BAZ1A: variants seen among roughly 807,000 people sequenced by gnomAD.
BAZ1A encodes bromodomain adjacent to zinc finger domain protein 1A.
In BAZ1A, 50 loss-of-function variants were observed where a neutral mutation model predicts 185.2. The observed-to-expected ratio is 0.27, with a 90% CI of 0.22 to 0.34. The LOEUF is 0.34. Ranked by LOEUF, BAZ1A falls within the 10% of genes least tolerant of loss-of-function variation. BAZ1A has a pLI of 1.00. For missense variants in BAZ1A, 1,356 were observed against 1,839.9 expected, an observed-to-expected ratio of 0.74 and a Z score of 4.81; for synonymous variants, 571 against 615.6, an observed-to-expected ratio of 0.93 and a Z score of 1.07.
At position 34,801,493 on chromosome 14, in the gene BAZ1A, G is replaced by T. The variant is rs368606102; in HGVS notation, c.862-300C>A. ...GTATTTTTAGTAGATACAGGGTTTT[G>T]CCATGTTGGCCAGGCTGGTCTTGAA... On this transcript the variant is annotated intron_variant, in intron 7 of 26. Coordinates refer to ENST00000360310, the MANE Select transcript of BAZ1A (RefSeq NM_013448.3). Among the ~76,000 whole-genome samples the T allele has an allele frequency of 7.8e-4, 118 of 152,102 alleles. 1 individual carries two copies. The East Asian group carries it at 0.021, about 27-fold the overall frequency.
chr14:34,799,266 A>G (rs944781042), intron 9 of BAZ1A, among the ~76,000 whole-genome samples: 27 of 151,222 alleles, frequency 1.8e-4, no homozygotes, highest in Non-Finnish European at 2.7e-4. Context: ...GATAGCATTA[A>G]GAGAAATACC....
intron 2 of BAZ1A, among the ~76,000 whole-genome samples, chr14:34,873,868 A>G (rs2138853205): frequency 6.6e-6 from 1 of 152,180 alleles, no homozygotes; most frequent in East Asian, 1.9e-4. Flanking sequence ...CCGCGGACGG[A>G]GGCTCTCGCG....
chr14:34,865,115 G>C (rs1342403722), intron 2 of BAZ1A, among the ~76,000 whole-genome samples: 1 of 152,028 alleles, frequency 6.6e-6, no homozygotes, highest in African/African-American at 2.4e-5. Flanking sequence ...CACTGTGGTA[G>C]CATGAGCCTG....
At chr14:34,816,080 CTTTTTTTTTTTT>C (rs35830800) in intron 4 of BAZ1A, among the ~76,000 whole-genome samples, 5 of 79,426 alleles carry the variant, frequency 6.3e-5, no homozygotes, top group African/African-American at 1.1e-4. Flanking sequence ...TATTCCAGAC[CTTTTTTTTTTTT>C]TTTTTTTTTT....
Position 34,794,776 on chromosome 14 carries a change from C to T in BAZ1A, c.1336G>A (p.Asp446Asn). The T allele has an allele frequency of 6.2e-7, 1 of 1,614,080 alleles. No individual in the cohort carries two copies. The highest frequency in any genetic ancestry group is 8.5e-7 in the Non-Finnish European group (1 of 1,179,996). Residue 446 changes from aspartate to asparagine, a missense_variant, in exon 11 of 27, where the codon GAT (aspartate) becomes AAT (asparagine). This residue lies in a region of BAZ1A where 184 missense variants were observed against 355.1 expected (regional missense o/e 0.52). Coordinates refer to ENST00000360310, the MANE Select transcript of BAZ1A (RefSeq NM_013448.3). ...AGGGTTACTCCATCAGGAAACTCAT[C>T]TTGAAGATCAAAAAGTTCCCCAAAT... ...NAFGELFDLQDEFPDGVTLEV... is the reference protein window; with the variant it reads ...NAFGELFDLQNEFPDGVTLEV...
At chr14:34,850,470 G>A (rs1199829871) in intron 3 of BAZ1A, among the ~76,000 whole-genome samples, 1 of 152,292 alleles carries the variant, frequency 6.6e-6, no homozygotes, top group East Asian at 1.9e-4. Context: ...ATAGGACTTA[G>A]GTCAATAGGC....
At chr14:34,854,241 A>AC (rs1258701234) in intron 3 of BAZ1A, among the ~76,000 whole-genome samples, 1 of 152,046 alleles carries the variant, frequency 6.6e-6, no homozygotes, top group Non-Finnish European at 1.5e-5. Context: ...AGCCTGGCCA[A>AC]CATGGCAACT....
At chr14:34,866,568 T>A (rs1039554984) in intron 2 of BAZ1A, among the ~76,000 whole-genome samples, 1 of 151,152 alleles carries the variant, frequency 6.6e-6, no homozygotes, top group African/African-American at 2.4e-5. Flanking sequence ...CTCAAACCAG[T>A]ACATAGTTAG....
chr14:34,784,292 C>T (rs1233474515), intron 14 of BAZ1A, among the ~76,000 whole-genome samples: 2 of 134,226 alleles, frequency 1.5e-5, no homozygotes, highest in Admixed American at 8.5e-5. Flanking sequence ...TGCTTGAACC[C>T]GGGAGGCGGA....
chr14:34,779,533 G>A (rs1178385320), intron 17 of BAZ1A, among the ~76,000 whole-genome samples: 1 of 151,714 alleles, frequency 6.6e-6, no homozygotes, highest in African/African-American at 2.4e-5. Context: ...TATCTACTTA[G>A]AGTAACCATT....
In BAZ1A at chr14:34,789,205, C is replaced by T. The variant is rs186148748; in HGVS notation, c.1511-2984G>A. 1.0e-3 allele frequency among the ~76,000 whole-genome samples: 156 copies of T among 152,192 alleles called. 1 individual carries two copies. Among genetic ancestry groups the T allele is most frequent in the African/African-American group, 3.3e-3 (139 of 41,534 alleles). ...CCAAAATTAACAACAGTCCTAGATACAAAGTTGTAAAAGGTGTTGGCTCTC... is the reference window on the plus strand; with the variant it reads ...CCAAAATTAACAACAGTCCTAGATATAAAGTTGTAAAAGGTGTTGGCTCTC... On this transcript the variant is annotated intron_variant, in intron 12 of 26. Transcript: ENST00000360310.
intron 3 of BAZ1A, among the ~76,000 whole-genome samples, chr14:34,839,748 C>CAGG (rs1566590106): frequency 1.4e-5 from 2 of 143,034 alleles, no homozygotes; most frequent in African/African-American, 2.6e-5. Context: ...GAGGCTGAGG[C>CAGG]AGAATGGCGT....
chr14:34,861,925 A>T, intron 3 of BAZ1A, 119 bp downstream of exon 3: 1 of 1,174,382 alleles, frequency 8.5e-7, no homozygotes, highest in Non-Finnish European at 1.2e-6. Context: ...TCTGTGGGTT[A>T]ACAGAATAGC....
chr14:34,848,559 G>A (rs370451277), intron 3 of BAZ1A, among the ~76,000 whole-genome samples: 4 of 152,062 alleles, frequency 2.6e-5, no homozygotes, highest in African/African-American at 9.7e-5. Flanking sequence ...CCAAAATCGC[G>A]CCACTCCAGC....
chr14:34,761,513 A>G (rs1886519803), intron 24 of BAZ1A, among the ~76,000 whole-genome samples: 1 of 152,200 alleles, frequency 6.6e-6, no homozygotes, highest in African/African-American at 2.4e-5. Flanking sequence ...AAATATCTCC[A>G]TTAAAAACAG....
intron 24 of BAZ1A, 34 bp from the exon 25 acceptor site, chr14:34,758,880 CA>C: frequency 2.5e-6 from 4 of 1,605,034 alleles, no homozygotes; most frequent in Non-Finnish European, 3.4e-6. Context: ...TAGGTGATAA[CA>C]AAGCAAAATA....
intron 12 of BAZ1A, among the ~76,000 whole-genome samples, chr14:34,788,254 G>A (rs1024041057): frequency 9.9e-5 from 15 of 151,838 alleles, no homozygotes; most frequent in African/African-American, 3.1e-4. Context: ...CACCCACCTC[G>A]GCCTCCCATA....
intron 2 of BAZ1A, among the ~76,000 whole-genome samples, chr14:34,863,129 C>T (rs1383693102): frequency 1.4e-5 from 2 of 138,856 alleles, no homozygotes; most frequent in Non-Finnish European, 3.0e-5. Context: ...GCTGGGATTA[C>T]AGGTGCCCGC....
chr14:34,873,898 G>A (rs968343434), intron 2 of BAZ1A, among the ~76,000 whole-genome samples: 2 of 152,104 alleles, frequency 1.3e-5, no homozygotes, highest in African/African-American at 4.8e-5. Context: ...CTCCACCCCT[G>A]GCCCGTAGGG....
Sources: gnomAD v4.1 joint callset for allele counts (sites outside exome capture counted in the v4.1 genomes callset) on GRCh38, gnomAD v4.1.1 for gene constraint, gnomAD v4.1.1 regional missense constraint, MANE v1.5 for transcripts, NCBI Gene and HGNC (gene_info 2026-07-23, HGNC 2026-07-21) for gene names.